The following TARS3 variants were observed in gnomAD, a reference collection of about 807,000 sequenced individuals.
TARS3 encodes threonyl-tRNA synthetase 3.
Under a neutral mutation model 103.5 loss-of-function variants are expected in TARS3, and 94 were observed. That is an observed-to-expected ratio of 0.91 (90% CI 0.77 to 1.08). TARS3 has a LOEUF of 1.08. TARS3 is among the 50% of genes least tolerant of loss of function. TARS3 has a pLI of 0.00. For synonymous variants in TARS3, 416 were observed against 355.4 expected (o/e 1.17, Z -1.92); for missense variants, 952 against 995.2 (o/e 0.96, Z 0.58).
In TARS3 at chr15:101,705,889, C is replaced by T. The variant is rs1406117626; in HGVS notation, c.931-142G>A. The T allele has an allele frequency of 1.1e-5, 8 of 708,276 alleles. No individual in the cohort carries two copies. The South Asian group carries it at 1.4e-4, about 12-fold the overall frequency. The allele number at this position is 708,276 out of a possible 1,614,324, so 43.9% of individuals were successfully genotyped here. On this transcript the variant is annotated intron_variant, in intron 6 of 18. Transcript: ENST00000335968. The stretch of plus-strand genomic sequence containing the variant: ...CACGAGGGATACAAAGAGCTCACAG[C>T]CTTGAGCGACACCGTGCAGCATGGA...
At position 101,675,558 on chromosome 15, in the gene TARS3, A is replaced by C. The variant is rs1897985886; in HGVS notation, c.1788+42T>G. On this transcript the variant is annotated intron_variant, in intron 13 of 18. Transcript: ENST00000335968. ...GACTGCAGCCTCTCAGGTGTCTTCC[A>C]TACGACTAAAATGAAGAGGAAGCAC... 4.4e-6 allele frequency: 7 copies of C among 1,589,328 alleles called. No individual in the cohort carries two copies. In the East Asian group the frequency reaches 1.6e-4, roughly 36 times the overall value.
intron 3 of TARS3, among the ~76,000 whole-genome samples, 186 bp from the exon 4 acceptor site, chr15:101,715,149 G>GTT (rs199577249): frequency 1.1e-4 from 16 of 139,892 alleles, no homozygotes; most frequent in South Asian, 2.3e-4. Context: ...TACATTCACT[G>GTT]TTTTTTTTTT....
chr15:101,673,186 C>T (rs1897882159), intron 13 of TARS3, among the ~76,000 whole-genome samples: 1 of 152,216 alleles, frequency 6.6e-6, no homozygotes, highest in Admixed American at 6.5e-5. Context: ...CAGGTCCATC[C>T]AGTCACACCC....
At position 101,653,787 on chromosome 15, in the gene TARS3, G is replaced by T. The variant is rs1897097329; in HGVS notation, c.*795C>A. On this transcript the variant is annotated 3_prime_UTR_variant, in exon 19 of 19. Transcript: ENST00000335968. ...ATTGACATAATGCCATTTTAATTCA[G>T]TTCTGAGCACGTAGAGCATTCCTCT... is the stretch of plus-strand genomic sequence containing the variant. 1 of 152,168 alleles carries T rather than the reference G, an allele frequency of 6.6e-6. No homozygotes were observed. Among genetic ancestry groups the T allele is most frequent in the Non-Finnish European group, 1.5e-5 (1 of 68,036 alleles). 9.4% of individuals were successfully genotyped at this position (152,168 alleles called of 1,614,324 possible).
chr15:101,709,010 T>C, intron 5 of TARS3, 100 bp from the exon 6 acceptor site: 1 of 750,900 alleles, frequency 1.3e-6, no homozygotes, highest in South Asian at 1.8e-5. Flanking sequence ...TTGAATCTGC[T>C]GTCTTATTGT....
chr15:101,719,383 A>G (rs906526181), intron 3 of TARS3, among the ~76,000 whole-genome samples: 16 of 152,240 alleles, frequency 1.1e-4, no homozygotes, highest in African/African-American at 3.4e-4. Flanking sequence ...GCTATGGAAC[A>G]TAAGAGTTGT....
At chr15:101,708,407 A>G (rs1899688749) in intron 6 of TARS3, among the ~76,000 whole-genome samples, 1 of 152,186 alleles carries the variant, frequency 6.6e-6, no homozygotes, top group Non-Finnish European at 1.5e-5. Flanking sequence ...TGTTTTACAC[A>G]GGTTACTCTA....
At chr15:101,713,742 G>A (rs1334635559) in intron 4 of TARS3, among the ~76,000 whole-genome samples, 1 of 152,190 alleles carries the variant, frequency 6.6e-6, no homozygotes, top group African/African-American at 2.4e-5. Context: ...CATGGTGAAT[G>A]TACTGAAGAT....
chr15:101,693,244 T>C (rs925719677), intron 10 of TARS3, among the ~76,000 whole-genome samples: 1 of 152,156 alleles, frequency 6.6e-6, no homozygotes, highest in Non-Finnish European at 1.5e-5. Flanking sequence ...TTTAATGGAC[T>C]CACAGTTCAG....
At chr15:101,658,567 C>T (rs1897264690) in intron 16 of TARS3, among the ~76,000 whole-genome samples, 1 of 152,134 alleles carries the variant, frequency 6.6e-6, no homozygotes, top group South Asian at 2.1e-4. Flanking sequence ...GGGAGCCTTA[C>T]AAGTGATGGA....
chr15:101,675,559 T>G (rs1239210815), intron 13 of TARS3, 41 bp downstream of exon 13: 1 of 1,589,816 alleles, frequency 6.3e-7, no homozygotes, highest in African/African-American at 1.4e-5. Flanking sequence ...GTGTCTTCCA[T>G]ACGACTAAAA....
intron 3 of TARS3, among the ~76,000 whole-genome samples, chr15:101,716,746 C>A (rs1186096818): frequency 3.9e-5 from 6 of 152,020 alleles, no homozygotes. Context: ...TCAGTGATTT[C>A]TGTCAGAATA....
rs367970910 is a variant in TARS3 at position 101,715,307 on chromosome 15, C to T, written c.567-344G>A. ...GACTACAGGCGCCCGCCACTACGCG[C>T]GGCTAATTTTTTGTATTTTTAGTAG... On this transcript the variant is annotated intron_variant, in intron 3 of 18. Transcript: ENST00000335968. Among the ~76,000 whole-genome samples the T allele has an allele frequency of 3.3e-3, 507 of 151,612 alleles. 2 individuals carry two copies. The highest frequency in any genetic ancestry group is 0.011 in the African/African-American group (447 of 41,410).
chr15:101,707,415 T>A (rs1389313716), intron 6 of TARS3, among the ~76,000 whole-genome samples: 2 of 152,210 alleles, frequency 1.3e-5, no homozygotes, highest in African/African-American at 4.8e-5. Context: ...TTCACAATAG[T>A]AGCCAAAAGG....
In TARS3 at chr15:101,701,203, T is replaced by A. The variant is rs1436854071; in HGVS notation, c.1222-19A>T. 2 of 1,520,786 alleles carry A rather than the reference T, an allele frequency of 1.3e-6. No homozygotes were observed. Among genetic ancestry groups the A allele is most frequent in the East Asian group, 4.5e-5 (2 of 44,268 alleles). The allele number at this position is 1,520,786 out of a possible 1,614,324, so 94.2% of individuals were successfully genotyped here. ...CTTGTTCCTAGATTGAAACAAAAAT[T>A]GCATTTCAAATGTCATCTGCTATTG... On this transcript the variant is annotated intron_variant, in intron 9 of 18. Coordinates refer to ENST00000335968, the MANE Select transcript of TARS3 (RefSeq NM_152334.3).
At chr15:101,675,921 G>T (rs986830479) in intron 12 of TARS3, among the ~76,000 whole-genome samples, 184 bp from the exon 13 acceptor site, 1 of 151,914 alleles carries the variant, frequency 6.6e-6, no homozygotes, top group African/African-American at 2.4e-5. Flanking sequence ...CACGTGCAGG[G>T]AATGGAGAAG....
intron 18 of TARS3, chr15:101,655,968 T>A: frequency 7.8e-7 from 1 of 1,289,208 alleles, no homozygotes; most frequent in Non-Finnish European, 1.0e-6. Context: ...TATTGTGAGA[T>A]GATGCAGGAA....
rs1319533926 is a variant in TARS3, at chr15:101,714,940, A to G, written c.590T>C (p.Val197Ala). The change falls in exon 4 of 19, where the codon GTA (valine) becomes GCA (alanine). Residue 197 changes from valine (V) to alanine (A), a missense_variant. This residue lies in a region of TARS3 where 412 missense variants were observed against 364.2 expected (regional missense o/e 1.13). Coordinates refer to ENST00000335968, the MANE Select transcript of TARS3 (RefSeq NM_152334.3). ...CAGTTCACCATTGACTTTGGCTATT[A>G]CCGTGCTTTCAGCCAGTTCCTGACT... The part of the protein sequence containing the change: ...EISQELAEST[V>A]IAKVNGELWD... 3.7e-6 allele frequency: 6 copies of G among 1,610,832 alleles called. No homozygotes were observed. Among genetic ancestry groups the G allele is most frequent in the Non-Finnish European group, 5.1e-6 (6 of 1,178,072 alleles).
chr15:101,720,405 CTGA>C (rs1310021559), intron 3 of TARS3, among the ~76,000 whole-genome samples: 4 of 152,132 alleles, frequency 2.6e-5, no homozygotes, highest in African/African-American at 9.7e-5. Flanking sequence ...TTTTCCAAGA[CTGA>C]TAATAGCTCT....
Sources: gnomAD v4.1 joint callset for allele counts (sites outside exome capture counted in the v4.1 genomes callset) on GRCh38, gnomAD v4.1.1 for gene constraint, gnomAD v4.1.1 regional missense constraint, MANE v1.5 for transcripts, NCBI Gene and HGNC (gene_info 2026-07-23, HGNC 2026-07-21) for gene names.